The following LSAMP variants were observed in gnomAD, a reference collection of about 807,000 sequenced individuals.
LSAMP encodes the protein limbic system-associated membrane protein.
LSAMP carries 7 observed loss-of-function variants against 38.6 expected under a neutral mutation model. The observed-to-expected ratio is 0.18, with a 90% CI of 0.10 to 0.34. LSAMP has a LOEUF of 0.34. Among genes scored for constraint, LSAMP ranks in the 10% least tolerant of loss-of-function variants. LSAMP has a pLI of 1.00. For synonymous variants in LSAMP, 154 were observed against 166.8 expected, an observed-to-expected ratio of 0.92 and a Z score of 0.59; for missense variants, 313 against 420.0, an observed-to-expected ratio of 0.75 and a Z score of 2.23.
At chr3:115,912,376 C>T (rs1296948053) in intron 3 of LSAMP, among the ~76,000 whole-genome samples, 1 of 152,212 alleles carries the variant, frequency 6.6e-6, no homozygotes, top group Non-Finnish European at 1.5e-5. Flanking sequence ...GCATGTCCAA[C>T]TGCTGCAAAC....
chr3:116,317,619 C>T (rs183077287), intron 1 of LSAMP, among the ~76,000 whole-genome samples: 5 of 151,680 alleles, frequency 3.3e-5, no homozygotes, highest in South Asian at 2.1e-4. Context: ...CCTCCCAAAG[C>T]GCTGGGATTA....
chr3:116,070,495 G>A (rs1707574674), intron 2 of LSAMP, among the ~76,000 whole-genome samples: 1 of 152,154 alleles, frequency 6.6e-6, no homozygotes, highest in Non-Finnish European at 1.5e-5. Context: ...CAGACTATAA[G>A]CTCTAGCTTG....
intron 3 of LSAMP, among the ~76,000 whole-genome samples, chr3:115,937,733 C>T (rs1937754308): frequency 1.3e-5 from 2 of 151,246 alleles, no homozygotes; most frequent in South Asian, 4.2e-4. Flanking sequence ...ACTTAACAAA[C>T]ATACTATTCC....
At chr3:116,175,345 C>G (rs980098241) in intron 1 of LSAMP, among the ~76,000 whole-genome samples, 1 of 151,952 alleles carries the variant, frequency 6.6e-6, no homozygotes, top group African/African-American at 2.4e-5. Context: ...ATGTAATTAG[C>G]AAGTCCATTA....
chr3:116,002,716 G>GTAGA (rs1940034461), intron 3 of LSAMP, among the ~76,000 whole-genome samples: 1 of 152,096 alleles, frequency 6.6e-6, no homozygotes, highest in African/African-American at 2.4e-5. Context: ...TTTCTCAGCT[G>GTAGA]TAGACAAATG....
At chr3:116,076,951 A>G (rs1480898468) in intron 2 of LSAMP, among the ~76,000 whole-genome samples, 2 of 152,028 alleles carry the variant, frequency 1.3e-5, no homozygotes, top group East Asian at 1.9e-4. Flanking sequence ...TGTTATAACT[A>G]TATATAGAAA....
At chr3:116,080,297 A>G (rs752168285) in intron 2 of LSAMP, among the ~76,000 whole-genome samples, 2 of 152,208 alleles carry the variant, frequency 1.3e-5, no homozygotes, top group African/African-American at 2.4e-5. Context: ...CATGAAGTCT[A>G]TATTTTCATA....
intron 3 of LSAMP, among the ~76,000 whole-genome samples, chr3:115,919,173 G>A (rs536196780): frequency 6.6e-6 from 1 of 152,202 alleles, no homozygotes; most frequent in African/African-American, 2.4e-5. Flanking sequence ...GTTGTCAATA[G>A]GACATTCTAA....
intron 4 of LSAMP, among the ~76,000 whole-genome samples, chr3:115,850,627 C>T (rs1355079167): frequency 6.6e-6 from 1 of 152,162 alleles, no homozygotes; most frequent in East Asian, 1.9e-4. Context: ...AACTCTATTA[C>T]TAAAAAATTG....
chr3:115,949,807 C>T (rs551306634), intron 3 of LSAMP, among the ~76,000 whole-genome samples: 1 of 151,710 alleles, frequency 6.6e-6, no homozygotes, highest in South Asian at 2.1e-4. Flanking sequence ...AACTACAGAT[C>T]AGTATCGCTG....
intron 2 of LSAMP, among the ~76,000 whole-genome samples, chr3:116,071,752 C>T (rs1474533253): frequency 6.6e-6 from 1 of 152,136 alleles, no homozygotes; most frequent in African/African-American, 2.4e-5. Flanking sequence ...CTCCTTCTCC[C>T]TGACCCCAAC....
chr3:116,070,812 G>A (rs1034735334), intron 2 of LSAMP, among the ~76,000 whole-genome samples: 3 of 152,200 alleles, frequency 2.0e-5, no homozygotes, highest in Non-Finnish European at 2.9e-5. Flanking sequence ...AGGCCAAGGT[G>A]GGCGGATCAC....
intron 1 of LSAMP, among the ~76,000 whole-genome samples, chr3:116,225,472 C>A (rs910979165): frequency 6.6e-6 from 1 of 152,080 alleles, no homozygotes; most frequent in African/African-American, 2.4e-5. Context: ...TTTAAACCAC[C>A]CAGTATGTGG....
intron 1 of LSAMP, among the ~76,000 whole-genome samples, chr3:116,128,659 C>A (rs1313884009): frequency 6.6e-6 from 1 of 152,172 alleles, no homozygotes; most frequent in African/African-American, 2.4e-5. Flanking sequence ...AGAATGAAAT[C>A]ATTTAAGTGA....
chr3:116,188,415 C>T (rs1211090601), intron 1 of LSAMP, among the ~76,000 whole-genome samples: 3 of 152,100 alleles, frequency 2.0e-5, no homozygotes, highest in Non-Finnish European at 2.9e-5. Context: ...GACAGAAGCC[C>T]CTTGGGAGCC....
At chr3:116,189,154 T>C (rs1471423775) in intron 1 of LSAMP, among the ~76,000 whole-genome samples, 1 of 152,092 alleles carries the variant, frequency 6.6e-6, no homozygotes, top group Non-Finnish European at 1.5e-5. Context: ...TGGATAAAGA[T>C]TAATATATGG....
chr3:116,319,499 C>T (rs1324879061), intron 1 of LSAMP, among the ~76,000 whole-genome samples: 1 of 152,124 alleles, frequency 6.6e-6, no homozygotes, highest in Non-Finnish European at 1.5e-5. Context: ...GGGCTTTAGT[C>T]ACCTAGCTAA....
intron 3 of LSAMP, among the ~76,000 whole-genome samples, chr3:115,881,016 A>G (rs1936306823): frequency 7.7e-6 from 1 of 129,258 alleles, no homozygotes; most frequent in South Asian, 2.6e-4. Context: ...AGCCTGGGCA[A>G]TAGAACAAAA....
chr3:116,119,056 C>T (rs1171589314), intron 1 of LSAMP, among the ~76,000 whole-genome samples: 1 of 152,046 alleles, frequency 6.6e-6, no homozygotes, highest in African/African-American at 2.4e-5. Flanking sequence ...ATTTATAGCA[C>T]TATATATTCT....
Sources: allele counts gnomAD v4.1 joint callset (sites outside exome capture counted in the v4.1 genomes callset), GRCh38; gene constraint gnomAD v4.1.1; transcripts MANE v1.5; gene names NCBI Gene and HGNC (gene_info 2026-07-23, HGNC 2026-07-21).